Variants in CDKL3 observed in about 807,000 individuals in gnomAD.
The protein encoded by CDKL3 is cyclin-dependent kinase-like 3.
A neutral mutation model predicts 69.3 loss-of-function variants in CDKL3; 65 were observed. The ratio of observed to expected loss-of-function variants is 0.94; its 90% CI spans 0.77 to 1.15. The LOEUF (loss-of-function observed/expected upper bound fraction) is 1.15. CDKL3 is among the 50% of genes most tolerant of loss of function. The pLI is 0.00. For synonymous variants in CDKL3, 202 were observed against 221.6 expected (o/e 0.91, Z 0.79); for missense variants, 652 against 689.2 (o/e 0.95, Z 0.61).
intron 12 of CDKL3, chr5:134,302,358 T>A (rs1042790443): frequency 2.1e-6 from 1 of 472,668 alleles, no homozygotes; most frequent in Non-Finnish European, 3.9e-6. Flanking sequence ...CAGATAATAT[T>A]TTCCCTGGGT....
chr5:134,334,191 C>T (rs1478051199), intron 4 of CDKL3, among the ~76,000 whole-genome samples: 4 of 151,748 alleles, frequency 2.6e-5, no homozygotes, highest in Admixed American at 2.6e-4. Context: ...CTATTTGATT[C>T]TTCTCTCTTC....
intron 5 of CDKL3, among the ~76,000 whole-genome samples, chr5:134,320,345 G>A (rs1772381208): frequency 6.6e-6 from 1 of 152,262 alleles, no homozygotes; most frequent in Admixed American, 6.5e-5. Flanking sequence ...GCCAGCCATG[G>A]TGGCTCACGC....
At chr5:134,315,238 T>G (rs1770702839) in intron 6 of CDKL3, among the ~76,000 whole-genome samples, 2 of 152,198 alleles carry the variant, frequency 1.3e-5, no homozygotes, top group African/African-American at 4.8e-5. Context: ...ATTGCAAGTT[T>G]TGCAAACATA....
At chr5:134,308,536 A>G (rs1321020492) in intron 8 of CDKL3, 38 bp downstream of exon 8, 7 of 1,553,378 alleles carry the variant, frequency 4.5e-6, no homozygotes, top group Non-Finnish European at 6.1e-6. Context: ...TAACTATAAT[A>G]TAATTATACT....
intron 10 of CDKL3, among the ~76,000 whole-genome samples, chr5:134,305,980 T>C (rs1767719700): frequency 6.6e-6 from 1 of 152,164 alleles, no homozygotes; most frequent in Non-Finnish European, 1.5e-5. Flanking sequence ...ATTAAAAACA[T>C]TTTTTGGGAG....
rs1765513368 is a variant in CDKL3, at chr5:134,298,430, G to A, written c.*221C>T. ...TCATGGCAAAAAAAAGAAGTAGGCA[G>A]AGAAGAGATGACTTTATAATTCCAA... On this transcript the variant is annotated 3_prime_UTR_variant, in exon 13 of 13. Transcript: ENST00000265334. 2 of 1,325,552 alleles carry A rather than the reference G, an allele frequency of 1.5e-6. No individual in the cohort carries two copies. The highest frequency in any genetic ancestry group is 9.6e-7 in the Non-Finnish European group (1 of 1,042,008). The allele number at this position is 1,325,552 out of a possible 1,614,324, so 82.1% of individuals were successfully genotyped here.
chr5:134,349,420 G>T (rs558572238), intron 4 of CDKL3, among the ~76,000 whole-genome samples: 1 of 152,266 alleles, frequency 6.6e-6, no homozygotes, highest in East Asian at 1.9e-4. Flanking sequence ...CTCCCGAGTA[G>T]CTGGGACTAC....
At chr5:134,327,508 G>A (rs1774691782) in intron 4 of CDKL3, among the ~76,000 whole-genome samples, 1 of 152,188 alleles carries the variant, frequency 6.6e-6, no homozygotes, top group Non-Finnish European at 1.5e-5. Flanking sequence ...ACAGAGTGTA[G>A]AGAAGTTCCA....
At chr5:134,371,610 C>T (rs201423355), upstream of CDKL3, 29 of 1,613,094 alleles carry the variant, frequency 1.8e-5, no homozygotes, top group African/African-American at 2.7e-5. Context: ...CGACCCCGGC[C>T]CGGAGGAGGC....
chr5:134,309,801 A>T (rs1768907596), intron 7 of CDKL3, among the ~76,000 whole-genome samples: 1 of 152,180 alleles, frequency 6.6e-6, no homozygotes, highest in Non-Finnish European at 1.5e-5. Context: ...GTCTGTGTAG[A>T]AGTGATATGA....
At chr5:134,291,386 A>G (rs1327512086) in intron 8 of CDKL3, among the ~76,000 whole-genome samples, 1 of 152,206 alleles carries the variant, frequency 6.6e-6, no homozygotes. Flanking sequence ...AAAAGAGAAG[A>G]GGTCTAAGAA....
At chr5:134,306,562 G>A (rs1019371791) in intron 10 of CDKL3, 47 bp downstream of exon 10, 10 of 1,074,018 alleles carry the variant, frequency 9.3e-6, no homozygotes, top group Non-Finnish European at 1.4e-5. Context: ...GAAAAAAGAA[G>A]TAATGTTAAA....
intron 3 of CDKL3, among the ~76,000 whole-genome samples, chr5:134,354,823 T>C (rs1468209521): frequency 6.6e-6 from 1 of 152,024 alleles, no homozygotes; most frequent in African/African-American, 2.4e-5. Context: ...GGCATGTGCC[T>C]ATAGTCCCAG....
chr5:134,287,041 G>A (rs1423675568), intron 8 of CDKL3, among the ~76,000 whole-genome samples: 1 of 152,184 alleles, frequency 6.6e-6, no homozygotes, highest in Non-Finnish European at 1.5e-5. Context: ...AAGGAACAGG[G>A]AAGAGTGGAG....
chr5:134,321,590 T>C (rs1490189424), intron 5 of CDKL3, among the ~76,000 whole-genome samples: 1 of 152,196 alleles, frequency 6.6e-6, no homozygotes, highest in African/African-American at 2.4e-5. Context: ...GCTATTTGCA[T>C]CCTAGCAAAG....
intron 4 of CDKL3, among the ~76,000 whole-genome samples, chr5:134,345,672 T>C (rs1333946571): frequency 6.6e-6 from 1 of 152,118 alleles, no homozygotes; most frequent in African/African-American, 2.4e-5. Flanking sequence ...GGACACAAGA[T>C]GCTCAGTGGG....
chr5:134,352,321 G>C (rs1450830757), intron 3 of CDKL3, among the ~76,000 whole-genome samples: 1 of 141,344 alleles, frequency 7.1e-6, no homozygotes, highest in Non-Finnish European at 1.5e-5. Context: ...TTTTTTTTGA[G>C]ACAGAGTTTT....
chr5:134,319,443 C>A lies in CDKL3; in HGVS notation c.707G>T (p.Gly236Val). ...NIFSKSPIFA[G>V]VVLPQVQHPK... ...GTGTTGAACTTGAGGAAGAACTACC[C>A]CAGCAAAAATGGGGCTCTTGGAAAA... Residue 236 changes from glycine to valine, a missense_variant, in exon 6 of 13, where the codon GGG becomes GTG. Gly to Val is a moderately radical substitution (Grantham distance 109). Transcript: ENST00000265334. 6.5e-7 allele frequency: 1 copy of A among 1,537,976 alleles called. No homozygotes were observed. The highest frequency in any genetic ancestry group is 1.2e-5 in the South Asian group (1 of 80,226).
chr5:134,308,074 T>C, intron 9 of CDKL3, 64 bp downstream of exon 9: 1 of 1,502,004 alleles, frequency 6.7e-7, no homozygotes, highest in Non-Finnish European at 8.9e-7. Flanking sequence ...ATGAACACGA[T>C]TCTTTGAAAT....
Sources: allele counts gnomAD v4.1 joint callset (sites outside exome capture counted in the v4.1 genomes callset), GRCh38; gene constraint gnomAD v4.1.1; transcripts MANE v1.5; gene names NCBI Gene and HGNC (gene_info 2026-07-23, HGNC 2026-07-21).